Variants in MAP4K2 observed in about 807,000 individuals in gnomAD.
MAP4K2 encodes the protein B lymphocyte serine/threonine protein kinase.
MAP4K2 carries 85 observed loss-of-function variants against 125.3 expected under a neutral mutation model. That is an observed-to-expected ratio of 0.68 (90% CI 0.57 to 0.81). MAP4K2 has a LOEUF of 0.81. MAP4K2 is among the 40% of genes least tolerant of loss of function. The pLI, the probability that MAP4K2 is intolerant of heterozygous loss-of-function variation, is 0.00. For missense variants in MAP4K2, 923 were observed against 1,056.4 expected (o/e 0.87, Z 1.75); for synonymous variants, 479 against 445.1 (o/e 1.08, Z -0.96).
intron 29 of MAP4K2, 102 bp downstream of exon 29, chr11:64,790,086 C>T: frequency 6.5e-7 from 1 of 1,528,194 alleles, no homozygotes. Context: ...AGGAGAGGGG[C>T]TAGGGGATCT....
At position 64,800,226 on chromosome 11, in the gene MAP4K2, G is replaced by A. The variant is rs776732111; in HGVS notation, c.808-10C>T. On this transcript the variant is annotated splice_polypyrimidine_tract_variant and intron_variant, in intron 11 of 31. Transcript: ENST00000294066. ...GAGTCGTGAACGGGTGCTGGAAAGT[G>A]GGGGAGGGGGGTGATCAGGTTGGCC... The A allele has an allele frequency of 1.9e-6, 3 of 1,612,298 alleles. No homozygotes were observed. The highest frequency in any genetic ancestry group is 4.5e-5 in the East Asian group (2 of 44,882).
At position 64,802,772 on chromosome 11, in the gene MAP4K2, C is replaced by G. The variant is rs1941299326; in HGVS notation, c.154+113G>C. The G allele has an allele frequency of 4.1e-6, 6 of 1,467,802 alleles. No individual in the cohort carries two copies. The Admixed American group carries it at 9.7e-5, about 24-fold the overall frequency. 90.9% of individuals were successfully genotyped at this position (1,467,802 alleles called of 1,614,324 possible). A position where few individuals can be genotyped will look rare whatever the true frequency, so the allele number is the denominator to read the frequency against. On this transcript the variant is annotated intron_variant, in intron 2 of 31. Coordinates refer to ENST00000294066, the MANE Select transcript of MAP4K2 (RefSeq NM_004579.5). ...GGCCAGGCAGGTGCAGGTGACAGCA[C>G]CTCCCGGGGCACGCCTCTCAGGGGT...
Position 64,790,267 on chromosome 11 carries a change from C to T in MAP4K2, c.2169G>A (p.Val723=). The T allele has an allele frequency of 1.2e-6, 2 of 1,614,156 alleles. No homozygotes were observed. Among genetic ancestry groups the T allele is most frequent in the Non-Finnish European group, 1.7e-6 (2 of 1,179,996 alleles). ...DTILVSFERC[V]RIVNMQGEPT... ...GCTCGCCCTGCATGTTGACAATCCTCACACAGCCTGCACAGGGAAGGAATT... is the reference window on the plus strand; with the variant it reads ...GCTCGCCCTGCATGTTGACAATCCTTACACAGCCTGCACAGGGAAGGAATT... Residue 723 remains valine (V), a synonymous_variant, in exon 29 of 32, where the codon GTG becomes GTA. Transcript: ENST00000294066.
rs980647466 is a variant in MAP4K2, at chr11:64,801,624, G to A, written c.415-3C>T. On this transcript the variant is annotated splice_polypyrimidine_tract_variant and splice_region_variant and intron_variant, in intron 6 of 31. Transcript: ENST00000294066. ...AGAGTGAGGAGAAGGTTGGCTCCCT[G>A]TGGGAATGGAGGAGAGACAATCCCA... is the stretch of plus-strand genomic sequence containing the variant. 1.9e-6 allele frequency: 3 copies of A among 1,614,008 alleles called. No individual in the cohort carries two copies. Among genetic ancestry groups the A allele is most frequent in the Non-Finnish European group, 2.5e-6 (3 of 1,179,946 alleles).
At chr11:64,791,521 C>A (rs1694894373) in intron 27 of MAP4K2, among the ~76,000 whole-genome samples, 1 of 152,172 alleles carries the variant, frequency 6.6e-6, no homozygotes, top group African/African-American at 2.4e-5. Context: ...TGGGACTACA[C>A]ACGTGCATCA....
chr11:64,799,194 A>T (rs1941009448), intron 14 of MAP4K2, among the ~76,000 whole-genome samples: 1 of 152,162 alleles, frequency 6.6e-6, no homozygotes, highest in South Asian at 2.1e-4. Flanking sequence ...TGGGAAAGGC[A>T]TGGTCTCTGT....
rs71581729 is a variant in MAP4K2, at chr11:64,802,487, G to C, written c.246-4C>G. On this transcript the variant is annotated splice_region_variant and splice_polypyrimidine_tract_variant and intron_variant, in intron 3 of 31. Transcript: ENST00000294066. ...GCAGATCCACAAGCGGTCATTCCTA[G>C]GGACAAAGAGCTGGGGTGGGCACAA... 2.0e-6 allele frequency: 3 copies of C among 1,533,818 alleles called. No individual in the cohort carries two copies. The highest frequency in any genetic ancestry group is 2.6e-6 in the Non-Finnish European group (3 of 1,140,194).
At position 64,789,209 on chromosome 11, in the gene MAP4K2, A is replaced by G; in HGVS notation, c.*328T>C. 2.5e-6 allele frequency: 1 copy of G among 394,812 alleles called. No homozygotes were observed. The highest frequency in any genetic ancestry group is 4.7e-6 in the Non-Finnish European group (1 of 211,966). 24.5% of individuals were successfully genotyped at this position (394,812 alleles called of 1,614,324 possible). On this transcript the variant is annotated 3_prime_UTR_variant, in exon 32 of 32. Coordinates refer to ENST00000294066, the MANE Select transcript of MAP4K2 (RefSeq NM_004579.5). ...TGTTTCCCAGGACAAATGCAGGGGC[A>G]GGCTCTTGGCAGAAAGAGTAGAAAG...
At position 64,802,482 on chromosome 11, in the gene MAP4K2, T is replaced by C. The variant is rs146480241; in HGVS notation, c.247A>G (p.Asn83Asp). ...TCCATGCAGATCCACAAGCGGTCATTCCTAGGGACAAAGAGCTGGGGTGGG... is the reference window on the plus strand; with the variant it reads ...TCCATGCAGATCCACAAGCGGTCATCCCTAGGGACAAAGAGCTGGGGTGGG... Reference protein sequence around the residue: ...VVAYIGSYLRNDRLWICMEFC... With the variant: ...VVAYIGSYLRDDRLWICMEFC... The change falls in exon 4 of 32, where the codon AAT becomes GAT. Residue 83 changes from asparagine (N) to aspartate (D), a missense_variant and splice_region_variant. By Grantham distance (23) the Asn-to-Asp change is conservative. This residue lies in a region of MAP4K2 where 833 missense variants were observed against 911.4 expected (regional missense o/e 0.91). Transcript: ENST00000294066. The C allele has an allele frequency of 1.4e-5, 22 of 1,531,090 alleles. No homozygotes were observed. In the Admixed American group the frequency reaches 2.7e-4, roughly 19 times the overall value. 94.8% of individuals were successfully genotyped at this position (1,531,090 alleles called of 1,614,324 possible).
intron 24 of MAP4K2, among the ~76,000 whole-genome samples, chr11:64,794,931 G>A (rs1436387405): frequency 6.6e-6 from 1 of 151,864 alleles, no homozygotes; most frequent in Non-Finnish European, 1.5e-5. Flanking sequence ...CTGTTGCCCA[G>A]GCTTCAATGC....
At chr11:64,792,320 C>T (rs751356194) in intron 25 of MAP4K2, 44 bp downstream of exon 25, 4 of 1,562,120 alleles carry the variant, frequency 2.6e-6, no homozygotes, top group African/African-American at 1.7e-5. Context: ...GCCTGCGCTG[C>T]CCCCCACCAG....
In MAP4K2 at chr11:64,800,695, G is replaced by A. The variant is rs1941109770; in HGVS notation, c.725+69C>T. The A allele has an allele frequency of 5.8e-6, 9 of 1,544,444 alleles. No individual in the cohort carries two copies. In the Admixed American group the frequency reaches 9.8e-5, roughly 17 times the overall value. On this transcript the variant is annotated intron_variant, in intron 10 of 31. Coordinates refer to ENST00000294066, the MANE Select transcript of MAP4K2 (RefSeq NM_004579.5). ...CTCTTGGGGTTGCCCCCCGGGAGTT[G>A]GCAGAGGCTGTTTGTCCACTATGGG...
In MAP4K2 at chr11:64,796,158, C is replaced by T. The variant is rs1940782143; in HGVS notation, c.1751+115G>A. The T allele has an allele frequency of 4.3e-6, 4 of 926,388 alleles. No individual in the cohort carries two copies. The East Asian group carries it at 1.1e-4, about 25-fold the overall frequency. The allele number at this position is 926,388 out of a possible 1,614,324, so 57.4% of individuals were successfully genotyped here. ...TTGTATTGACAGAGGAGGAAACGGG[C>T]GCTCAGAGAGACAACACGTCTAAGA... On this transcript the variant is annotated intron_variant, in intron 24 of 31. Transcript: ENST00000294066.
In MAP4K2 at chr11:64,801,763, G is replaced by A. The variant is rs375597915; in HGVS notation, c.367-6C>T. On this transcript the variant is annotated splice_region_variant and splice_polypyrimidine_tract_variant and intron_variant, in intron 5 of 31. Coordinates refer to ENST00000294066, the MANE Select transcript of MAP4K2 (RefSeq NM_004579.5). ...GAATGCAGGTGGTGGAGCCCCTGGC[G>A]ACAAAGAGGAGTCCCTGAGAGCAGC... is the stretch of plus-strand genomic sequence containing the variant. The A allele has an allele frequency of 7.4e-6, 12 of 1,612,620 alleles. No homozygotes were observed. The highest frequency in any genetic ancestry group is 4.0e-5 in the African/African-American group (3 of 74,880).
At chr11:64,798,972 G>A (rs1323816459) in intron 14 of MAP4K2, 135 bp from the exon 15 acceptor site, 4 of 752,910 alleles carry the variant, frequency 5.3e-6, no homozygotes, top group South Asian at 5.1e-5. Flanking sequence ...CACAGAAGAT[G>A]AGAGAGACAG....
rs745984877 is a variant in MAP4K2 at position 64,803,121 on chromosome 11, T to TGCAGCGACACATCCC, written c.14_28dup (p.Arg5_Leu9dup). The TGCAGCGACACATCCC allele has an allele frequency of 5.7e-6, 9 of 1,575,364 alleles. No homozygotes were observed. In the East Asian group the frequency reaches 1.9e-4, roughly 34 times the overall value. On this transcript the variant is annotated inframe_insertion, in exon 1 of 32. Transcript: ENST00000294066. ...CAGCTCGAAGCGGTCCCGCGGGTCC[T>TGCAGCGACACATCCC]GCAGCGACACATCCCGCAGCAGCGC...
chr11:64,802,374 TGG>T (rs1487091372), intron 4 of MAP4K2, 43 bp downstream of exon 4: 1 of 1,483,868 alleles, frequency 6.7e-7, no homozygotes, highest in Non-Finnish European at 9.0e-7. Context: ...GGGGTAGGGG[TGG>T]GGGAAGGCTG....
rs201995974 is a variant in MAP4K2, at chr11:64,802,556, G to C, written c.245+7C>G. 3.7e-6 allele frequency: 6 copies of C among 1,602,130 alleles called. No homozygotes were observed. Among genetic ancestry groups the C allele is most frequent in the Non-Finnish European group, 5.1e-6 (6 of 1,174,362 alleles). On this transcript the variant is annotated splice_region_variant and intron_variant, in intron 3 of 31. Transcript: ENST00000294066. Reference sequence around the variant, plus strand: ...TGCCTGGGGCCAGGAGGATAAGGCAGCCTCACCTGAGGTAGCTGCCAATGT... The same window carrying C: ...TGCCTGGGGCCAGGAGGATAAGGCACCCTCACCTGAGGTAGCTGCCAATGT...
chr11:64,791,180 C>A (rs922610518), intron 27 of MAP4K2, among the ~76,000 whole-genome samples: 1 of 152,134 alleles, frequency 6.6e-6, no homozygotes, highest in Non-Finnish European at 1.5e-5. Flanking sequence ...GTGTGTGAGA[C>A]CCCTGGCTCA....
Sources: gnomAD v4.1 joint callset for allele counts (sites outside exome capture counted in the v4.1 genomes callset) on GRCh38, gnomAD v4.1.1 for gene constraint, gnomAD v4.1.1 regional missense constraint, MANE v1.5 for transcripts, NCBI Gene and HGNC (gene_info 2026-07-23, HGNC 2026-07-21) for gene names.